Variants in KCNT2 observed in about 807,000 individuals in gnomAD.
KCNT2 encodes the protein potassium sodium-activated channel subfamily T member 2.
KCNT2 carries 67 observed loss-of-function variants against 153.8 expected under a neutral mutation model. That is an observed-to-expected ratio of 0.44 (90% CI 0.36 to 0.53). The LOEUF is 0.53. KCNT2 is among the 20% of genes least tolerant of loss of function. The pLI, the probability that KCNT2 is intolerant of heterozygous loss-of-function variation, is 0.00. For missense variants in KCNT2, 975 were observed against 1,354.8 expected, an observed-to-expected ratio of 0.72 and a Z score of 4.40; for synonymous variants, 500 against 458.8, an observed-to-expected ratio of 1.09 and a Z score of -1.15.
At chr1:196,433,893 C>G in intron 8 of KCNT2, among the ~76,000 whole-genome samples, 1 of 151,924 alleles carries the variant, frequency 6.6e-6, no homozygotes, top group Admixed American at 6.6e-5. Context: ...TATCAAGAGA[C>G]AGAAGAGAGA....
intron 27 of KCNT2, among the ~76,000 whole-genome samples, chr1:196,234,979 T>C (rs1654300877): frequency 6.6e-6 from 1 of 151,484 alleles, no homozygotes; most frequent in African/African-American, 2.4e-5. Flanking sequence ...ATTTCTTTCC[T>C]AGGCTTACAC....
At chr1:196,368,897 C>T (rs1024904784) in intron 14 of KCNT2, among the ~76,000 whole-genome samples, 5 of 152,110 alleles carry the variant, frequency 3.3e-5, no homozygotes, top group African/African-American at 1.2e-4. Context: ...AATATCAAAC[C>T]ACTTTTCCTT....
At chr1:196,538,053 T>C (rs1655842838) in intron 1 of KCNT2, among the ~76,000 whole-genome samples, 1 of 152,176 alleles carries the variant, frequency 6.6e-6, no homozygotes, top group African/African-American at 2.4e-5. Context: ...CACCTGCTCC[T>C]GAAGGGCCCT....
rs762414721 is a variant in KCNT2, at chr1:196,489,828, G to T, written c.275+10C>A. ...ATAATATTGTTGAAGGTCAGAAAAA[G>T]GTACCTTACCATTCATTTCCTTGTG... is the stretch of plus-strand genomic sequence containing the variant. On this transcript the variant is annotated intron_variant, in intron 3 of 27. Coordinates refer to ENST00000294725, the MANE Select transcript of KCNT2 (RefSeq NM_198503.5). 5.9e-6 allele frequency: 8 copies of T among 1,353,628 alleles called. No homozygotes were observed. The highest frequency in any genetic ancestry group is 7.3e-6 in the Non-Finnish European group (7 of 964,858). 83.9% of individuals were successfully genotyped at this position (1,353,628 alleles called of 1,614,324 possible). A position where few individuals can be genotyped will look rare whatever the true frequency, so the allele number is the denominator to read the frequency against.
At chr1:196,395,972 G>C (rs1670905277) in intron 13 of KCNT2, among the ~76,000 whole-genome samples, 1 of 151,570 alleles carries the variant, frequency 6.6e-6, no homozygotes, top group African/African-American at 2.4e-5. Context: ...TTAAATTAAA[G>C]TAATTATTAT....
chr1:196,247,283 A>G (rs533456587), intron 26 of KCNT2, among the ~76,000 whole-genome samples: 2 of 152,346 alleles, frequency 1.3e-5, no homozygotes, highest in South Asian at 4.1e-4. Flanking sequence ...AGATATACAA[A>G]GCAAATATTA....
At chr1:196,580,220 A>G (rs1008134950) in intron 1 of KCNT2, among the ~76,000 whole-genome samples, 1 of 152,336 alleles carries the variant, frequency 6.6e-6, no homozygotes, top group South Asian at 2.1e-4. Flanking sequence ...TCCCAGCTCC[A>G]GAAATACTAA....
intron 1 of KCNT2, among the ~76,000 whole-genome samples, chr1:196,505,916 TTTTTGTACGTTGA>T (rs879705711): frequency 2.7e-4 from 41 of 152,298 alleles, no homozygotes; most frequent in Middle Eastern, 3.4e-3. Flanking sequence ...ATGCTTGTGA[TTTTTGTACGTTGA>T]TTTTGTATCC....
chr1:196,233,602 T>TA (rs1458250438), intron 27 of KCNT2, among the ~76,000 whole-genome samples: 5 of 151,506 alleles, frequency 3.3e-5, no homozygotes, highest in African/African-American at 1.2e-4. Flanking sequence ...ACTGTGTATC[T>TA]AAATGCTTTC....
chr1:196,411,059 CTCCTTCCTTCCTTCCTTCCTTCCTTCCT>C lies in KCNT2; in HGVS notation c.1185+11963_1185+11990del, dbSNP rs147825662. On this transcript the variant is annotated intron_variant, in intron 12 of 27. Transcript: ENST00000294725. ...CCTCCCTCCCTCCCTCCTCTATTCC[CTCCTTCCTTCCTTCCTTCCTTCCTTCCT>C]TCCTTCCTTCCTTCCTTCCTTCCTT... Among the ~76,000 whole-genome samples, 341 of 95,060 alleles carry C rather than the reference CTCCTTCCTTCCTTCCTTCCTTCCTTCCT, an allele frequency of 3.6e-3. 5 individuals are homozygous for C. The highest frequency in any genetic ancestry group is 0.016 in the East Asian group (49 of 3,006). 62.4% of individuals were successfully genotyped at this position (95,060 alleles called of 152,430 possible). A position where few individuals can be genotyped will look rare whatever the true frequency, so the allele number is the denominator to read the frequency against.
chr1:196,427,719 T>C (rs964301362), intron 10 of KCNT2, among the ~76,000 whole-genome samples: 2 of 152,110 alleles, frequency 1.3e-5, no homozygotes, highest in African/African-American at 2.4e-5. Context: ...TGCAGTATTT[T>C]AACTGAGCAG....
chr1:196,451,311 G>T (rs1676164118), intron 8 of KCNT2, among the ~76,000 whole-genome samples: 1 of 122,372 alleles, frequency 8.2e-6, no homozygotes, highest in African/African-American at 3.0e-5. Flanking sequence ...CACAATCTCA[G>T]CTCACTGCAA....
At chr1:196,506,871 C>A (rs1681187718) in intron 1 of KCNT2, among the ~76,000 whole-genome samples, 2 of 152,034 alleles carry the variant, frequency 1.3e-5, no homozygotes, top group African/African-American at 4.8e-5. Flanking sequence ...TATTTTTAGT[C>A]AAAGTAGATG....
At chr1:196,250,423 T>C (rs1178678794) in intron 26 of KCNT2, among the ~76,000 whole-genome samples, 3 of 152,108 alleles carry the variant, frequency 2.0e-5, no homozygotes, top group African/African-American at 7.2e-5. Flanking sequence ...AAACTGGATA[T>C]CTATATGTGG....
Position 196,429,529 on chromosome 1 carries a change from T to C in KCNT2, c.819+48A>G, listed in dbSNP as rs1289409058. On this transcript the variant is annotated intron_variant, in intron 9 of 27. Transcript: ENST00000294725. ...TTCTTATTAAATGTGGAGGATTCAA[T>C]TTCATGTCTCTGTACATTTCTATGC... The C allele has an allele frequency of 4.7e-6, 6 of 1,279,626 alleles. No homozygotes were observed. In the African/African-American group the frequency reaches 7.5e-5, roughly 16 times the overall value. The allele number at this position is 1,279,626 out of a possible 1,614,324, so 79.3% of individuals were successfully genotyped here.
At chr1:196,414,626 C>CT (rs1305979484) in intron 12 of KCNT2, among the ~76,000 whole-genome samples, 1 of 151,824 alleles carries the variant, frequency 6.6e-6, no homozygotes, top group Non-Finnish European at 1.5e-5. Context: ...AATATGCCTG[C>CT]TTATTCTCAC....
intron 1 of KCNT2, among the ~76,000 whole-genome samples, chr1:196,553,098 C>T (rs1312722674): frequency 6.6e-6 from 1 of 151,092 alleles, no homozygotes; most frequent in African/African-American, 2.4e-5. Context: ...ATGGACTAAA[C>T]TCTCTGGTCA....
chr1:196,464,820 T>C (rs1677467879), intron 8 of KCNT2, among the ~76,000 whole-genome samples: 1 of 152,004 alleles, frequency 6.6e-6, no homozygotes, highest in East Asian at 1.9e-4. Flanking sequence ...AGGTCTTGCC[T>C]TGCACTGTCC....
intron 12 of KCNT2, among the ~76,000 whole-genome samples, chr1:196,415,176 C>T (rs1481290682): frequency 6.6e-6 from 1 of 151,804 alleles, no homozygotes; most frequent in African/African-American, 2.4e-5. Flanking sequence ...ACAAAACAAG[C>T]AGACCTCGAC....
Sources: allele counts gnomAD v4.1 joint callset (sites outside exome capture counted in the v4.1 genomes callset), GRCh38; gene constraint gnomAD v4.1.1; transcripts MANE v1.5; gene names NCBI Gene and HGNC (gene_info 2026-07-23, HGNC 2026-07-21).